Variants in EML6 observed in about 807,000 individuals in gnomAD.
EML6 encodes the protein echinoderm microtubule-associated protein-like 6.
In EML6, 154 loss-of-function variants were observed where a neutral mutation model predicts 240.1. That is an observed-to-expected ratio of 0.64 (90% CI 0.56 to 0.73). EML6 has a LOEUF of 0.73. Among genes scored for constraint, EML6 ranks in the 30% least tolerant of loss-of-function variants. EML6 has a pLI of 0.00. For missense variants in EML6, 2,964 were observed against 2,474.6 expected, an observed-to-expected ratio of 1.20 and a Z score of -4.20; for synonymous variants, 1,148 against 899.0, an observed-to-expected ratio of 1.28 and a Z score of -4.95.
At position 54,859,646 on chromosome 2, in the gene EML6, G is replaced by A. The variant is rs1381318156; in HGVS notation, c.1770G>A (p.Gln590=). The A allele has an allele frequency of 3.2e-6, 5 of 1,551,224 alleles. No individual in the cohort carries two copies. Among genetic ancestry groups the A allele is most frequent in the Non-Finnish European group, 4.4e-6 (5 of 1,146,840 alleles). Residue 590 remains glutamine (Q), a synonymous_variant, in exon 12 of 42, where the codon CAG becomes CAA. Transcript: ENST00000356458. The part of the protein sequence containing the change: ...STGGADHSVF[Q]WRFIPEGVSN... ...GAGGGGCTGATCACTCAGTTTTCCA[G>A]TGGAGGTTTATTCCAGAAGGTGTCA...
At chr2:54,850,353 A>C in intron 10 of EML6, 135 bp downstream of exon 10, 1 of 696,518 alleles carries the variant, frequency 1.4e-6, no homozygotes, top group South Asian at 2.0e-5. Flanking sequence ...AAGCACCCCC[A>C]CCTCAGGGCA....
intron 21 of EML6, among the ~76,000 whole-genome samples, chr2:54,898,238 C>T (rs564282097): frequency 2.0e-5 from 3 of 152,138 alleles, no homozygotes; most frequent in South Asian, 2.1e-4. Context: ...GCTTACTGTC[C>T]GATCCTGTGT....
rs375786271 is a variant in EML6 at position 54,866,904 on chromosome 2, C to T, written c.2051+20C>T. Reference sequence around the variant, plus strand: ...ACACGGGTGGGTGGCCTGTCATGGGCGCCCGTATGTGTTCCTCTGTCTCTG... The same window carrying T: ...ACACGGGTGGGTGGCCTGTCATGGGTGCCCGTATGTGTTCCTCTGTCTCTG... On this transcript the variant is annotated intron_variant, in intron 14 of 41. Transcript: ENST00000356458. The T allele has an allele frequency of 1.3e-4, 182 of 1,415,544 alleles. No homozygotes were observed. Among genetic ancestry groups the T allele is most frequent in the Admixed American group, 1.8e-4 (9 of 50,644 alleles). The allele number at this position is 1,415,544 out of a possible 1,614,324, so 87.7% of individuals were successfully genotyped here.
intron 29 of EML6, among the ~76,000 whole-genome samples, chr2:54,949,757 AC>A (rs1323610150): frequency 6.6e-6 from 1 of 152,204 alleles, no homozygotes; most frequent in Non-Finnish European, 1.5e-5. Flanking sequence ...TTCTAAGCTT[AC>A]CGCCTATGAT....
At chr2:54,860,277 G>A (rs1291290096) in intron 12 of EML6, among the ~76,000 whole-genome samples, 1 of 152,144 alleles carries the variant, frequency 6.6e-6, no homozygotes, top group Non-Finnish European at 1.5e-5. Context: ...TGGGAGTAGA[G>A]GGAGTTAGAC....
chr2:54,814,497 T>C (rs113285475), intron 3 of EML6, among the ~76,000 whole-genome samples: 12 of 152,304 alleles, frequency 7.9e-5, no homozygotes, highest in African/African-American at 2.6e-4. Context: ...CCTCTTCTCC[T>C]CATCTCCCCA....
intron 2 of EML6, among the ~76,000 whole-genome samples, chr2:54,745,472 A>G (rs532188559): frequency 2.6e-5 from 4 of 152,292 alleles, no homozygotes; most frequent in African/African-American, 9.6e-5. Context: ...ATGTGAAATG[A>G]AAAGGCACAA....
chr2:54,907,580 G>C (rs1048966875), intron 24 of EML6, among the ~76,000 whole-genome samples: 5 of 152,186 alleles, frequency 3.3e-5, no homozygotes, highest in African/African-American at 1.2e-4. Flanking sequence ...CAGATGGCCT[G>C]ATACTTGGTA....
intron 19 of EML6, 70 bp downstream of exon 19, chr2:54,892,726 C>T: frequency 8.0e-7 from 1 of 1,242,636 alleles, no homozygotes; most frequent in South Asian, 1.5e-5. Context: ...CTTAGGATGG[C>T]CCAAGAGGAT....
At chr2:54,891,268 A>T in intron 18 of EML6, 114 bp downstream of exon 18, 1 of 537,632 alleles carries the variant, frequency 1.9e-6, no homozygotes, top group East Asian at 2.8e-5. Flanking sequence ...TAAAATAAAA[A>T]TGTGCCTAAA....
chr2:54,905,570 T>G (rs1673284095), intron 24 of EML6, among the ~76,000 whole-genome samples: 1 of 152,192 alleles, frequency 6.6e-6, no homozygotes, highest in African/African-American at 2.4e-5. Flanking sequence ...TTTTAATCAT[T>G]TTTTAAGTGT....
intron 11 of EML6, among the ~76,000 whole-genome samples, 168 bp from the exon 12 acceptor site, chr2:54,859,366 G>A (rs1302911597): frequency 6.6e-6 from 1 of 152,182 alleles, no homozygotes; most frequent in Non-Finnish European, 1.5e-5. Flanking sequence ...TGGAATAATT[G>A]AGATATATTT....
At chr2:54,928,222 C>G in intron 26 of EML6, 91 bp from the exon 27 acceptor site, 1 of 1,004,498 alleles carries the variant, frequency 1.0e-6, no homozygotes, top group Non-Finnish European at 1.5e-6. Context: ...TGAACTGTTT[C>G]CTTTGTATCC....
chr2:54,859,299 A>G (rs1670551699), intron 11 of EML6, among the ~76,000 whole-genome samples: 1 of 152,198 alleles, frequency 6.6e-6, no homozygotes, highest in Admixed American at 6.5e-5. Flanking sequence ...ACAGGTTCAG[A>G]TGTGTCTTTA....
intron 29 of EML6, 59 bp from the exon 30 acceptor site, chr2:54,950,591 T>C: frequency 6.5e-7 from 1 of 1,540,334 alleles, no homozygotes. Flanking sequence ...TGTGGGTGTG[T>C]TCCTCGGCTC....
chr2:54,774,604 T>A lies in EML6; in HGVS notation c.198-38628T>A, dbSNP rs533163915. 1.2e-4 allele frequency among the ~76,000 whole-genome samples: 19 copies of A among 152,304 alleles called. No homozygotes were observed. The South Asian group carries it at 3.9e-3, about 32-fold the overall frequency. On this transcript the variant is annotated intron_variant, in intron 2 of 41. Transcript: ENST00000356458. The surrounding 1 kb of genome is among the most constrained non-coding windows in gnomAD (Gnocchi z 4.1). ...TGTAAGGATCAAATAAAATAAAACA[T>A]AGAGGTCCTTTTGCAAGAGGACCTG...
chr2:54,925,153 T>A (rs186710975), intron 26 of EML6, among the ~76,000 whole-genome samples: 119 of 152,102 alleles, frequency 7.8e-4, no homozygotes, highest in African/African-American at 2.7e-3. Flanking sequence ...AGTGTCCTTA[T>A]AGAAGAGATG....
rs138152478 is a variant in EML6 at position 54,773,523 on chromosome 2, C to T, written c.198-39709C>T. On this transcript the variant is annotated intron_variant, in intron 2 of 41. Transcript: ENST00000356458. ...CCTCATCATTCAAGAAAGGAAGAGA[C>T]ATTATTCATCTTTGGAGGGGAATTT... is the stretch of plus-strand genomic sequence containing the variant. Among the ~76,000 whole-genome samples, 488 of 152,340 alleles carry T rather than the reference C, an allele frequency of 3.2e-3. 2 individuals carry two copies. The Middle Eastern group carries it at 0.034, about 11-fold the overall frequency.
chr2:54,865,284 C>A (rs928904777), intron 13 of EML6, among the ~76,000 whole-genome samples: 1 of 146,224 alleles, frequency 6.8e-6, no homozygotes, highest in Middle Eastern at 3.6e-3. Flanking sequence ...AGACCAGGAG[C>A]TTGAGACCAG....
Sources: gnomAD v4.1 joint callset for allele counts (sites outside exome capture counted in the v4.1 genomes callset) on GRCh38, gnomAD v4.1.1 for gene constraint, Gnocchi (gnomAD v3.1) non-coding constraint, MANE v1.5 for transcripts, NCBI Gene and HGNC (gene_info 2026-07-23, HGNC 2026-07-21) for gene names.